Variants in TMEM165 observed in about 807,000 individuals in gnomAD.
The protein encoded by TMEM165 is transmembrane protein 165.
Under a neutral mutation model 30.0 loss-of-function variants are expected in TMEM165, and 19 were observed. The ratio of observed to expected loss-of-function variants is 0.63; its 90% CI spans 0.44 to 0.93. The LOEUF (loss-of-function observed/expected upper bound fraction) is 0.93. Ranked by LOEUF, TMEM165 falls within the 40% of genes least tolerant of loss-of-function variation. The pLI, the probability that TMEM165 is intolerant of heterozygous loss-of-function variation, is 0.00. For missense variants in TMEM165, 340 were observed against 417.0 expected, an observed-to-expected ratio of 0.82 and a Z score of 1.61; for synonymous variants, 168 against 162.9, an observed-to-expected ratio of 1.03 and a Z score of -0.24.
At chr4:55,443,750 A>G in intron 3 of TMEM165, 1 of 1,614,156 alleles carries the variant, frequency 6.2e-7, no homozygotes, top group Non-Finnish European at 8.5e-7. Context: ...CAATGTGTCC[A>G]GTATTCATTC....
At position 55,426,147 on chromosome 4, in the gene TMEM165, CAA is replaced by C. The variant is rs1722190232; in HGVS notation, c.*696_*697del. On this transcript the variant is annotated 3_prime_UTR_variant, in exon 6 of 6. Coordinates refer to ENST00000381334, the MANE Select transcript of TMEM165 (RefSeq NM_018475.5). ...TGAATAAACAATGTAACATAGATAA[CAA>C]TATAAATAAAAGTGGTATGACCAGT... 1 of 151,852 alleles carries C rather than the reference CAA, an allele frequency of 6.6e-6. No individual in the cohort carries two copies. The highest frequency in any genetic ancestry group is 2.1e-4 in the South Asian group (1 of 4,820). The allele number at this position is 151,852 out of a possible 1,614,324, so 9.4% of individuals were successfully genotyped here.
At chr4:55,442,781 A>ATTCC (rs1723480253) in intron 3 of TMEM165, 1 of 748,964 alleles carries the variant, frequency 1.3e-6, no homozygotes, top group Non-Finnish European at 2.3e-6. Flanking sequence ...ATAACCACAA[A>ATTCC]GGAATGACTC....
intron 3 of TMEM165, among the ~76,000 whole-genome samples, chr4:55,449,022 G>A (rs140594062): frequency 2.0e-5 from 3 of 152,064 alleles, no homozygotes; most frequent in African/African-American, 7.2e-5. Flanking sequence ...CATCTATATT[G>A]GAAAGGCCTG....
intron 1 of TMEM165, among the ~76,000 whole-genome samples, chr4:55,409,854 A>G (rs1721413202): frequency 6.6e-6 from 1 of 152,188 alleles, no homozygotes; most frequent in South Asian, 2.1e-4. Context: ...CTCTCTGTTA[A>G]GCTAAAACCT....
intron 2 of TMEM165, chr4:55,412,528 T>C (rs1455387336): frequency 1.3e-5 from 2 of 152,132 alleles, no homozygotes; most frequent in Non-Finnish European, 2.9e-5. Flanking sequence ...ATATACTTTT[T>C]TAACAGTTGG....
intron 3 of TMEM165, among the ~76,000 whole-genome samples, chr4:55,450,397 C>T (rs1253148298): frequency 6.6e-6 from 1 of 152,068 alleles, no homozygotes; most frequent in African/African-American, 2.4e-5. Context: ...TGTGTTATAG[C>T]CAGAAAGTTT....
intron 3 of TMEM165, among the ~76,000 whole-genome samples, chr4:55,436,894 T>TGAATA (rs1722920374): frequency 1.4e-5 from 1 of 70,468 alleles, no homozygotes; most frequent in Non-Finnish European, 2.8e-5. Flanking sequence ...TGGGATGCCT[T>TGAATA]TTTTTTTTTT....
intron 3 of TMEM165, among the ~76,000 whole-genome samples, chr4:55,440,018 AT>A (rs1429511573): frequency 1.3e-5 from 2 of 152,000 alleles, no homozygotes; most frequent in Non-Finnish European, 2.9e-5. Flanking sequence ...CACAATAAAA[AT>A]TTTTTTTAAT....
chr4:55,424,559 G>A lies in TMEM165; in HGVS notation c.814G>A (p.Gly272Ser). The change falls in exon 5 of 6, where the codon GGT becomes AGT. Residue 272 changes from glycine (G) to serine (S), a missense_variant. Gly to Ser is a moderately conservative substitution (Grantham distance 56). Around this residue, in one of 2 missense-constraint regions of TMEM165, gnomAD observed 220 missense variants for 307.6 expected, o/e 0.72. Transcript: ENST00000381334. ...CCAGGACCCCTATGGTGTAGCCGTG[G>A]GTGGAACTGTGGGGCACTGCCTGTG... ...AREDPYGVAVGGTVGHCLCTG... is the reference protein window; with the variant it reads ...AREDPYGVAVSGTVGHCLCTG... 1 of 1,613,492 alleles carries A rather than the reference G, an allele frequency of 6.2e-7. No homozygotes were observed. The highest frequency in any genetic ancestry group is 2.2e-5 in the East Asian group (1 of 44,870).
intron 3 of TMEM165, among the ~76,000 whole-genome samples, chr4:55,437,645 G>A (rs890820962): frequency 6.6e-6 from 1 of 152,106 alleles, no homozygotes; most frequent in Non-Finnish European, 1.5e-5. Flanking sequence ...AATCCATGAG[G>A]TATCAATTAT....
intron 1 of TMEM165, among the ~76,000 whole-genome samples, chr4:55,402,384 C>T (rs1721034465): frequency 5.3e-5 from 3 of 56,650 alleles, no homozygotes; most frequent in African/African-American, 7.1e-5. Context: ...TGTTTAAGTG[C>T]GTGCGTGTGT....
rs1560396464 is a variant in TMEM165, at chr4:55,420,118, TA to T, written c.792+2134del. On this transcript the variant is annotated intron_variant, in intron 4 of 5. Transcript: ENST00000381334. ...CTTAAGAAAAAAAAATATATATATA[TA>T]TACATATATATTTATTTATTTATTT... Among the ~76,000 whole-genome samples, 312 of 44,774 alleles carry T rather than the reference TA, an allele frequency of 7.0e-3. 13 individuals are homozygous for T. The highest frequency in any genetic ancestry group is 0.018 in the African/African-American group (307 of 16,928). The allele number at this position is 44,774 out of a possible 152,430, so 29.4% of individuals were successfully genotyped here. A position where few individuals can be genotyped will look rare whatever the true frequency, so the allele number is the denominator to read the frequency against.
chr4:55,427,170 A>C (rs983238647), downstream of TMEM165, among the ~76,000 whole-genome samples: 3 of 151,132 alleles, frequency 2.0e-5, no homozygotes, highest in Admixed American at 6.6e-5. Flanking sequence ...AGTAGCTGGG[A>C]TTACAGGCGT....
intron 1 of TMEM165, among the ~76,000 whole-genome samples, chr4:55,402,268 TAAC>T (rs71194552): frequency 0.61 from 87,851 of 145,070 alleles, 28,394 homozygotes; most frequent in South Asian, 0.81. Flanking sequence ...AATTAACAAG[TAAC>T]AATAAAGTAT....
chr4:55,435,480 G>C (rs779685930), intron 3 of TMEM165: 14 of 1,613,974 alleles, frequency 8.7e-6, no homozygotes, highest in African/African-American at 1.3e-5. Context: ...AGTTGCTGCT[G>C]TTGCTGAGAC....
In TMEM165 at chr4:55,412,161, G is replaced by A. The variant is rs531253198; in HGVS notation, c.433+322G>A. 32 of 359,466 alleles carry A rather than the reference G, an allele frequency of 8.9e-5. No individual in the cohort carries two copies. In the East Asian group the frequency reaches 2.0e-3, roughly 23 times the overall value. 22.3% of individuals were successfully genotyped at this position (359,466 alleles called of 1,614,324 possible). A position where few individuals can be genotyped will look rare whatever the true frequency, so the allele number is the denominator to read the frequency against. ...TGTAATCCCAGCACTTTGGGAGGCC[G>A]AAGTGGACAGATCACGAGGTCAGGA... On this transcript the variant is annotated intron_variant, in intron 2 of 5. Transcript: ENST00000381334.
chr4:55,452,973 T>C (rs1343748313), exon 4 of TMEM165: 2 of 968,736 alleles, frequency 2.1e-6, no homozygotes, highest in Non-Finnish European at 3.2e-6. Flanking sequence ...TTTTGAAAAA[T>C]AGTTTTCCTA....
Position 55,404,049 on chromosome 4 carries a change from T to C in TMEM165, c.208-7565T>C, listed in dbSNP as rs6842041. On this transcript the variant is annotated intron_variant, in intron 1 of 5. Transcript: ENST00000381334. ...CCTTCCTTCCTTCTTTCTTTCCTTT[T>C]TTTTTTTTTTTTTGACAGTGTCTTG... Among the ~76,000 whole-genome samples, 56 of 14,930 alleles carry C rather than the reference T, an allele frequency of 3.8e-3. 2 individuals carry two copies. The highest frequency in any genetic ancestry group is 6.0e-3 in the African/African-American group (53 of 8,768). 9.8% of individuals were successfully genotyped at this position (14,930 alleles called of 152,430 possible).
chr4:55,409,596 C>T (rs1560391008), intron 1 of TMEM165, among the ~76,000 whole-genome samples: 2 of 152,092 alleles, frequency 1.3e-5, no homozygotes, highest in African/African-American at 2.4e-5. Flanking sequence ...TGTTTAGCAG[C>T]GTTTCTGGCC....
Sources: allele counts gnomAD v4.1 joint callset (sites outside exome capture counted in the v4.1 genomes callset), GRCh38; gene constraint gnomAD v4.1.1; regional missense constraint gnomAD v4.1.1; transcripts MANE v1.5; gene names NCBI Gene and HGNC (gene_info 2026-07-23, HGNC 2026-07-21).